The following ZNF571 variants were observed in gnomAD, a reference collection of about 807,000 sequenced individuals.
ZNF571 encodes the protein zinc finger protein 571.
ZNF571 carries 4 observed loss-of-function variants against 7.7 expected under a neutral mutation model. That is an observed-to-expected ratio of 0.52 (90% confidence interval 0.25 to 1.18). The LOEUF (loss-of-function observed/expected upper bound fraction) is 1.18, where lower values mean the gene tolerates loss of function less well. ZNF571 is among the 50% of genes most tolerant of loss of function. ZNF571 has a pLI of 0.14. For missense variants in ZNF571, 704 were observed against 726.9 expected (o/e 0.97, Z 0.36); for synonymous variants, 251 against 232.4 (o/e 1.08, Z -0.73).
intron 1 of ZNF571, among the ~76,000 whole-genome samples, chr19:37,592,536 T>C (rs1275238173): frequency 1.3e-5 from 2 of 152,096 alleles, no homozygotes; most frequent in African/African-American, 2.4e-5. Context: ...GAAGGTGATA[T>C]CCTCCACCCT....
intron 3 of ZNF571, among the ~76,000 whole-genome samples, chr19:37,578,951 G>C (rs1373980972): frequency 1.3e-5 from 2 of 152,008 alleles, no homozygotes; most frequent in African/African-American, 4.8e-5. Flanking sequence ...GGAAGGGAGG[G>C]AAGGGCAAGC....
At chr19:37,578,908 G>A (rs1025458281) in intron 3 of ZNF571, among the ~76,000 whole-genome samples, 4 of 152,168 alleles carry the variant, frequency 2.6e-5, no homozygotes, top group Non-Finnish European at 4.4e-5. Context: ...TGGCACCTCT[G>A]TATGCCCTAA....
At chr19:37,576,986 G>A (rs2043263611) in intron 3 of ZNF571, among the ~76,000 whole-genome samples, 1 of 151,858 alleles carries the variant, frequency 6.6e-6, no homozygotes, top group African/African-American at 2.4e-5. Context: ...GCCATCTTCT[G>A]CAAAACCTTA....
Position 37,581,871 on chromosome 19 carries a change from A to AGGT in ZNF571, c.136+2099_136+2100insACC, listed in dbSNP as rs1336597230. On this transcript the variant is annotated intron_variant, in intron 3 of 3. Transcript: ENST00000451802. ...CAGGAGCTGCAGGGTGAACCAGGAG[A>AGGT]ATGGCAAAACTTCTCAAGAGGTATG... Among the ~76,000 whole-genome samples the AGGT allele has an allele frequency of 3.7e-3, 557 of 152,098 alleles. 2 individuals carry two copies. The highest frequency in any genetic ancestry group is 3.4e-3 in the Non-Finnish European group (234 of 67,988).
chr19:37,572,006 AT>A (rs372037887), intron 3 of ZNF571, among the ~76,000 whole-genome samples: 2 of 150,912 alleles, frequency 1.3e-5, no homozygotes, highest in African/African-American at 4.9e-5. Context: ...CAAATAGACT[AT>A]ATGGCCATAA....
intron 3 of ZNF571, among the ~76,000 whole-genome samples, chr19:37,581,404 T>G (rs2043455331): frequency 6.6e-6 from 1 of 152,072 alleles, no homozygotes; most frequent in African/African-American, 2.4e-5. Context: ...CCACTGAAGT[T>G]ACCAGATCAT....
At chr19:37,576,765 G>T (rs1402651733) in intron 3 of ZNF571, among the ~76,000 whole-genome samples, 1 of 152,162 alleles carries the variant, frequency 6.6e-6, no homozygotes, top group Non-Finnish European at 1.5e-5. Context: ...AAACTGGGAA[G>T]AAATACCCCA....
At chr19:37,582,721 A>G (rs1343743754) in intron 3 of ZNF571, among the ~76,000 whole-genome samples, 1 of 152,210 alleles carries the variant, frequency 6.6e-6, no homozygotes, top group Non-Finnish European at 1.5e-5. Flanking sequence ...CCAATCTTCA[A>G]AATAACTCCA....
At chr19:37,589,340 C>T (rs2043796648) in intron 1 of ZNF571, among the ~76,000 whole-genome samples, 1 of 150,654 alleles carries the variant, frequency 6.6e-6, no homozygotes, top group Admixed American at 6.6e-5. Flanking sequence ...TAAAAGAATA[C>T]ACAGACAAAT....
In ZNF571 at chr19:37,565,316, GTC is replaced by G; in HGVS notation, c.1110_1111del (p.Lys370AsnfsTer18). On this transcript the variant is annotated frameshift_variant, in exon 4 of 4. Coordinates refer to ENST00000451802, the MANE Select transcript of ZNF571 (RefSeq NM_016536.5). LOFTEE classifies it low-confidence loss of function (END_TRUNC). The stretch of plus-strand genomic sequence containing the variant: ...AGTAAGTTGTGAGCCACGAAAAAAG[GTC>G]TTCCCGCATTCTTTACATTCATAGG... 1 of 1,611,914 alleles carries G rather than the reference GTC, an allele frequency of 6.2e-7. No individual in the cohort carries two copies. The highest frequency in any genetic ancestry group is 8.5e-7 in the Non-Finnish European group (1 of 1,179,014).
At chr19:37,576,879 A>C (rs537555144) in intron 3 of ZNF571, among the ~76,000 whole-genome samples, 1 of 152,278 alleles carries the variant, frequency 6.6e-6, no homozygotes, top group African/African-American at 2.4e-5. Context: ...CAACAGCTTA[A>C]AACACAAAGG....
Position 37,566,118 on chromosome 19 carries a change from C to T in ZNF571, c.310G>A (p.Glu104Lys), listed in dbSNP as rs188721808. ...ATTTTGACACACATGTAAAGCCCTT[C>T]CTGACTTGCTTCTTGACCCTCTAAG... ...GNLEGQEASQ[E>K]GLYMCVKITC... Residue 104 changes from glutamate to lysine, a missense_variant, in exon 4 of 4, where the codon GAA becomes AAA. By Grantham distance (56) the Glu-to-Lys change is moderately conservative. Coordinates refer to ENST00000451802, the MANE Select transcript of ZNF571 (RefSeq NM_016536.5). 1.9e-6 allele frequency: 3 copies of T among 1,614,052 alleles called. No individual in the cohort carries two copies. Among genetic ancestry groups the T allele is most frequent in the Non-Finnish European group, 2.5e-6 (3 of 1,179,930 alleles).
chr19:37,573,257 A>G (rs1290539335), intron 3 of ZNF571, among the ~76,000 whole-genome samples: 4 of 152,212 alleles, frequency 2.6e-5, no homozygotes, highest in Non-Finnish European at 5.9e-5. Context: ...AATTCTATAT[A>G]AAAGTATTGG....
intron 3 of ZNF571, among the ~76,000 whole-genome samples, chr19:37,579,060 C>G (rs2043352013): frequency 6.6e-6 from 1 of 152,228 alleles, no homozygotes; most frequent in Non-Finnish European, 1.5e-5. Flanking sequence ...AACATTTCAC[C>G]TGCAGCCCAG....
chr19:37,575,994 A>G (rs911086838), intron 3 of ZNF571, among the ~76,000 whole-genome samples: 4 of 152,246 alleles, frequency 2.6e-5, no homozygotes, highest in Admixed American at 2.6e-4. Context: ...GCCAAACTTC[A>G]AAACAGGAAA....
At chr19:37,574,426 AT>A (rs899396780) in intron 3 of ZNF571, among the ~76,000 whole-genome samples, 1 of 152,110 alleles carries the variant, frequency 6.6e-6, no homozygotes, top group Non-Finnish European at 1.5e-5. Context: ...TTTTCACTAA[AT>A]TTTTTTATCT....
chr19:37,590,748 A>C (rs1300153866), intron 1 of ZNF571, among the ~76,000 whole-genome samples: 1 of 152,188 alleles, frequency 6.6e-6, no homozygotes, highest in Non-Finnish European at 1.5e-5. Context: ...TAAGTGTAAT[A>C]TTATATCAAA....
At chr19:37,579,515 G>GGAATATTTA (rs1400982151) in intron 3 of ZNF571, among the ~76,000 whole-genome samples, 1 of 151,724 alleles carries the variant, frequency 6.6e-6, no homozygotes, top group Non-Finnish European at 1.5e-5. Context: ...TCAATAAATG[G>GGAATATTTA]TGCTGGGATA....
At position 37,565,112 on chromosome 19, in the gene ZNF571, C is replaced by A. The variant is rs1600454031; in HGVS notation, c.1316G>T (p.Arg439Ile). 6.2e-6 allele frequency: 10 copies of A among 1,613,150 alleles called. No homozygotes were observed. The highest frequency in any genetic ancestry group is 7.6e-6 in the Non-Finnish European group (9 of 1,179,472). ...ICGKQLSEHQRIHTGEKPFEC... is the reference protein window; with the variant it reads ...ICGKQLSEHQIIHTGEKPFEC... Reference sequence around the variant, plus strand: ...AAAGGGTTTCTCACCTGTATGAATTCTCTGATGTTCACTAAGTTGTTTGCC... The same window carrying A: ...AAAGGGTTTCTCACCTGTATGAATTATCTGATGTTCACTAAGTTGTTTGCC... The change falls in exon 4 of 4, where the codon AGA becomes ATA. Residue 439 changes from arginine to isoleucine, a missense_variant. By Grantham distance (97) the Arg-to-Ile change is moderately conservative. Transcript: ENST00000451802.
Sources: allele counts gnomAD v4.1 joint callset (sites outside exome capture counted in the v4.1 genomes callset), GRCh38; gene constraint gnomAD v4.1.1; transcripts MANE v1.5; gene names NCBI Gene and HGNC (gene_info 2026-07-23, HGNC 2026-07-21).